EYA1: variants seen among roughly 807,000 people sequenced by gnomAD.
EYA1 encodes protein phosphatase EYA1.
A neutral mutation model predicts 82.0 loss-of-function variants in EYA1; 16 were observed. The ratio of observed to expected loss-of-function variants is 0.20; its 90% confidence interval spans 0.13 to 0.30. The LOEUF (loss-of-function observed/expected upper bound fraction) is 0.30, where lower values mean the gene tolerates loss of function less well. Ranked by LOEUF, EYA1 falls within the 10% of genes least tolerant of loss-of-function variation. EYA1 has a pLI of 1.00. For missense variants in EYA1, 633 were observed against 730.7 expected (o/e 0.87, Z 1.54); for synonymous variants, 261 against 264.4 (o/e 0.99, Z 0.12).
intron 2 of EYA1, among the ~76,000 whole-genome samples, chr8:71,446,760 T>C (rs552341619): frequency 3.6e-4 from 55 of 152,348 alleles, no homozygotes; most frequent in African/African-American, 1.3e-3. Flanking sequence ...ATCTGCCTAA[T>C]GTCTTTGGCC....
At chr8:71,241,518 C>T (rs1812477464) in intron 12 of EYA1, among the ~76,000 whole-genome samples, 1 of 151,994 alleles carries the variant, frequency 6.6e-6, no homozygotes, top group Admixed American at 6.6e-5. Context: ...GTGAACTAAC[C>T]AAATTATACC....
intron 17 of EYA1, 87 bp from the exon 18 acceptor site, chr8:71,199,507 C>A (rs917932504): frequency 1.5e-5 from 12 of 804,326 alleles, no homozygotes; most frequent in Non-Finnish European, 2.5e-5. Flanking sequence ...CCATGCTGAC[C>A]CCCATTTTCA....
At chr8:71,542,364 C>A (rs1466470284) in intron 1 of EYA1, among the ~76,000 whole-genome samples, 1 of 152,134 alleles carries the variant, frequency 6.6e-6, no homozygotes, top group Non-Finnish European at 1.5e-5. Context: ...TAATGGCCTC[C>A]AGCTCCATTA....
intron 2 of EYA1, among the ~76,000 whole-genome samples, chr8:71,504,723 T>A (rs953393873): frequency 2.0e-5 from 3 of 151,756 alleles, no homozygotes; most frequent in South Asian, 2.1e-4. Flanking sequence ...CATCTCCATT[T>A]AAAAAAAAAT....
intron 2 of EYA1, among the ~76,000 whole-genome samples, chr8:71,492,598 C>T (rs924304252): frequency 2.0e-5 from 3 of 151,550 alleles, no homozygotes; most frequent in African/African-American, 4.8e-5. Flanking sequence ...CCCAGTAGCT[C>T]GGACTACAGG....
chr8:71,512,902 A>G (rs1318582194), intron 2 of EYA1, among the ~76,000 whole-genome samples: 1 of 152,200 alleles, frequency 6.6e-6, no homozygotes, highest in Non-Finnish European at 1.5e-5. Context: ...GTAAGTTGCT[A>G]CTAAGCCTCA....
chr8:71,258,964 T>G (rs575058211), intron 11 of EYA1, among the ~76,000 whole-genome samples: 59 of 152,288 alleles, frequency 3.9e-4, no homozygotes, highest in African/African-American at 1.3e-3. Flanking sequence ...TGAAGCTAAT[T>G]GTGTCACAAA....
At position 71,519,000 on chromosome 8, in the gene EYA1, C is replaced by A. The variant is rs986517267; in HGVS notation, c.33+16744G>T. On this transcript the variant is annotated intron_variant, in intron 2 of 18. Coordinates refer to the EYA1 transcript ENST00000643681. ...CAAGTCACAAGAAATGTGTAAAAAG[C>A]AGTATTTGCCATTTATATCTTAATG... is the stretch of plus-strand genomic sequence containing the variant. Among the ~76,000 whole-genome samples the A allele has an allele frequency of 3.9e-5, 6 of 152,070 alleles. 1 individual carries two copies. The highest frequency in any genetic ancestry group is 9.7e-5 in the African/African-American group (4 of 41,424).
intron 2 of EYA1, among the ~76,000 whole-genome samples, chr8:71,394,095 G>A (rs1829442629): frequency 6.6e-6 from 1 of 152,208 alleles, no homozygotes; most frequent in African/African-American, 2.4e-5. Flanking sequence ...CTTCTTTTGA[G>A]AAGTGTCTGT....
intron 9 of EYA1, 86 bp downstream of exon 9, chr8:71,298,961 C>G: frequency 1.5e-6 from 2 of 1,357,078 alleles, no homozygotes; most frequent in Non-Finnish European, 2.1e-6. Flanking sequence ...AATTGTGCAA[C>G]CACTGCATGA....
In EYA1 at chr8:71,349,194, G is replaced by A. The variant is rs188892461; in HGVS notation, c.124+5588C>T. Among the ~76,000 whole-genome samples, 6 of 152,194 alleles carry A rather than the reference G, an allele frequency of 3.9e-5. No individual in the cohort carries two copies. The East Asian group carries it at 9.7e-4, about 25-fold the overall frequency. ...ACAGGAAGGACTCTCACACACTCAC[G>A]CACACCAGAACTTCAAGACCGGACT... On this transcript the variant is annotated intron_variant, in intron 3 of 17. Transcript: ENST00000340726.
chr8:71,218,975 TG>T (rs112304595), intron 12 of EYA1, among the ~76,000 whole-genome samples: 19,582 of 152,002 alleles, frequency 0.13, 3,921 homozygotes, highest in African/African-American at 0.43. Flanking sequence ...AAAACTGACC[TG>T]GAATTCCCTG....
intron 2 of EYA1, among the ~76,000 whole-genome samples, chr8:71,401,647 G>A (rs1829964351): frequency 6.6e-6 from 1 of 152,098 alleles, no homozygotes; most frequent in African/African-American, 2.4e-5. Context: ...CCTCTCCATT[G>A]CCTCAGTTTC....
intron 9 of EYA1, among the ~76,000 whole-genome samples, chr8:71,284,084 G>A (rs1201309491): frequency 6.6e-6 from 1 of 152,132 alleles, no homozygotes; most frequent in African/African-American, 2.4e-5. Flanking sequence ...GTTTCTCCAA[G>A]CCGTAAGTCT....
In EYA1 at chr8:71,245,165, T is replaced by A. The variant is rs556041861; in HGVS notation, c.1051-473A>T. 2.0e-5 allele frequency among the ~76,000 whole-genome samples: 3 copies of A among 152,214 alleles called. No individual in the cohort carries two copies. In the East Asian group the frequency reaches 5.8e-4, roughly 29 times the overall value. ...AGCCTGCAGGCTGCGTGCAGCCCAG[T>A]ACGGCTTTGAATGCAGCCCAACACA... On this transcript the variant is annotated intron_variant, in intron 11 of 17. Transcript: ENST00000340726.
chr8:71,418,642 GTTAT>G (rs1465601536), intron 2 of EYA1, among the ~76,000 whole-genome samples: 1 of 152,166 alleles, frequency 6.6e-6, no homozygotes, highest in African/African-American at 2.4e-5. Context: ...AGTTGAGTAA[GTTAT>G]TTATTTTCAT....
At chr8:71,372,136 A>T (rs1304785279) in intron 2 of EYA1, among the ~76,000 whole-genome samples, 2 of 152,154 alleles carry the variant, frequency 1.3e-5, no homozygotes, top group Admixed American at 6.5e-5. Flanking sequence ...AACAACTCAC[A>T]TCAATGGATA....
intron 17 of EYA1, among the ~76,000 whole-genome samples, chr8:71,206,658 G>T (rs1454553193): frequency 6.6e-6 from 1 of 151,994 alleles, no homozygotes; most frequent in Non-Finnish European, 1.5e-5. Context: ...TGTAAAATAG[G>T]TCTAAGGATT....
chr8:71,332,207 T>C (rs1268134383), intron 4 of EYA1, among the ~76,000 whole-genome samples: 1 of 152,160 alleles, frequency 6.6e-6, no homozygotes, highest in Non-Finnish European at 1.5e-5. Flanking sequence ...GCCCATGTCA[T>C]ATATATTAGC....
Sources: allele counts gnomAD v4.1 joint callset (sites outside exome capture counted in the v4.1 genomes callset), GRCh38; gene constraint gnomAD v4.1.1; transcripts MANE v1.5; gene names NCBI Gene and HGNC (gene_info 2026-07-23, HGNC 2026-07-21).